Variants in CADPS2 observed in about 807,000 individuals in gnomAD.
The protein encoded by CADPS2 is calcium dependent secretion activator 2.
In CADPS2, 93 loss-of-function variants were observed where a neutral mutation model predicts 172.5. The ratio of observed to expected loss-of-function variants is 0.54; its 90% confidence interval spans 0.46 to 0.64. The LOEUF (loss-of-function observed/expected upper bound fraction) is 0.64. Ranked by LOEUF, CADPS2 falls within the 30% of genes least tolerant of loss-of-function variation. The pLI is 0.00. For missense variants in CADPS2, 1,420 were observed against 1,565.9 expected, an observed-to-expected ratio of 0.91 and a Z score of 1.57; for synonymous variants, 546 against 555.2, an observed-to-expected ratio of 0.98 and a Z score of 0.23.
intron 1 of CADPS2, among the ~76,000 whole-genome samples, chr7:122,877,711 G>A (rs922105214): frequency 6.6e-6 from 1 of 152,070 alleles, no homozygotes; most frequent in African/African-American, 2.4e-5. Flanking sequence ...TGAAGATATC[G>A]TATGCTCCTA....
At chr7:122,355,988 T>C (rs942213125) in intron 27 of CADPS2, among the ~76,000 whole-genome samples, 4 of 152,216 alleles carry the variant, frequency 2.6e-5, no homozygotes, top group African/African-American at 7.2e-5. Context: ...ATTAGTTTCA[T>C]ATAACCCACA....
At chr7:122,856,866 C>G (rs1380207912) in intron 1 of CADPS2, among the ~76,000 whole-genome samples, 1 of 152,296 alleles carries the variant, frequency 6.6e-6, no homozygotes, top group African/African-American at 2.4e-5. Flanking sequence ...GGTGAATATT[C>G]TTACAAACTA....
intron 25 of CADPS2, among the ~76,000 whole-genome samples, chr7:122,373,033 G>T (rs1585369732): frequency 6.6e-6 from 1 of 152,142 alleles, no homozygotes; most frequent in Non-Finnish European, 1.5e-5. Flanking sequence ...TTTATTCTAT[G>T]TTCATTTCAT....
At chr7:122,532,768 T>C (rs1280330861) in intron 8 of CADPS2, among the ~76,000 whole-genome samples, 1 of 152,176 alleles carries the variant, frequency 6.6e-6, no homozygotes, top group Non-Finnish European at 1.5e-5. Flanking sequence ...TATCTAAAAG[T>C]ATACAGTTAT....
chr7:122,708,080 T>C (rs1413395135), intron 2 of CADPS2, among the ~76,000 whole-genome samples: 1 of 151,886 alleles, frequency 6.6e-6, no homozygotes, highest in African/African-American at 2.4e-5. Context: ...TAGTTATCCA[T>C]TTGTCCTCCT....
intron 1 of CADPS2, among the ~76,000 whole-genome samples, chr7:122,852,454 G>A (rs1813926743): frequency 6.6e-6 from 1 of 152,206 alleles, no homozygotes; most frequent in African/African-American, 2.4e-5. Flanking sequence ...AACAGGGAAG[G>A]AAAGTAGAAA....
At chr7:122,461,540 AG>A (rs1217756495) in intron 14 of CADPS2, among the ~76,000 whole-genome samples, 3 of 152,210 alleles carry the variant, frequency 2.0e-5, no homozygotes, top group Non-Finnish European at 4.4e-5. Context: ...CAGAGGAAAA[AG>A]AGGAATCATC....
intron 2 of CADPS2, among the ~76,000 whole-genome samples, chr7:122,736,224 C>A (rs962389647): frequency 2.6e-5 from 4 of 152,104 alleles, no homozygotes; most frequent in African/African-American, 9.7e-5. Flanking sequence ...TAAGTTCAGA[C>A]CCATTGTATC....
At chr7:122,702,263 A>G in intron 2 of CADPS2, 9 of 1,613,758 alleles carry the variant, frequency 5.6e-6, no homozygotes, top group Non-Finnish European at 7.6e-6. Context: ...CGAGTGCAAA[A>G]TTTCCATGCC....
chr7:122,882,617 CTTTT>C (rs35781696), intron 1 of CADPS2, among the ~76,000 whole-genome samples: 1 of 136,864 alleles, frequency 7.3e-6, no homozygotes, highest in African/African-American at 2.7e-5. Flanking sequence ...CCAAGGAACC[CTTTT>C]TTTTTTTTTT....
Position 122,698,756 on chromosome 7 carries a change from C to G in CADPS2, c.454-35187G>C, listed in dbSNP as rs1433259689. Reference sequence around the variant, plus strand: ...CCAAAGACTCCAGTCTCTCCCAACTCTGACAACACATGATTCCCAACATGA... The same window carrying G: ...CCAAAGACTCCAGTCTCTCCCAACTGTGACAACACATGATTCCCAACATGA... On this transcript the variant is annotated intron_variant, in intron 2 of 29. Coordinates refer to ENST00000449022, the MANE Select transcript of CADPS2 (RefSeq NM_017954.11). 2.5e-6 allele frequency: 4 copies of G among 1,613,944 alleles called. No homozygotes were observed. The highest frequency in any genetic ancestry group is 3.4e-6 in the Non-Finnish European group (4 of 1,179,894).
chr7:122,660,505 C>T (rs2135300214), intron 3 of CADPS2, among the ~76,000 whole-genome samples: 1 of 151,778 alleles, frequency 6.6e-6, no homozygotes, highest in Admixed American at 6.6e-5. Flanking sequence ...GTGGTAAAAG[C>T]TACAAAGATT....
intron 2 of CADPS2, chr7:122,681,684 G>A (rs1251106968): frequency 1.8e-6 from 2 of 1,127,494 alleles, no homozygotes; most frequent in Admixed American, 3.5e-5. Context: ...CTTAAAGACT[G>A]AAGACAGGTT....
At chr7:122,850,324 C>G (rs1813209275) in intron 1 of CADPS2, 2 of 467,800 alleles carry the variant, frequency 4.3e-6, no homozygotes, top group Admixed American at 6.8e-5. Flanking sequence ...CCAATGCAGA[C>G]ATGGACTTCT....
At chr7:122,644,107 G>C (rs866286421) in intron 3 of CADPS2, among the ~76,000 whole-genome samples, 1 of 151,436 alleles carries the variant, frequency 6.6e-6, no homozygotes, top group Non-Finnish European at 1.5e-5. Flanking sequence ...AAGGAAGGAA[G>C]GAAGGAAGGA....
At chr7:122,466,253 G>C (rs758110669) in intron 14 of CADPS2, among the ~76,000 whole-genome samples, 1 of 152,178 alleles carries the variant, frequency 6.6e-6, no homozygotes, top group Non-Finnish European at 1.5e-5. Flanking sequence ...CAAAGATCCA[G>C]GAGTTGCACA....
intron 1 of CADPS2, among the ~76,000 whole-genome samples, chr7:122,811,427 A>C (rs1799997285): frequency 6.6e-6 from 1 of 152,218 alleles, no homozygotes; most frequent in African/African-American, 2.4e-5. Flanking sequence ...TCTAGAGTCC[A>C]AAATGTAGCT....
At chr7:122,581,366 G>A (rs2068789753) in intron 6 of CADPS2, 76 bp from the exon 7 acceptor site, 3 of 1,123,026 alleles carry the variant, frequency 2.7e-6, no homozygotes, top group Non-Finnish European at 4.0e-6. Flanking sequence ...CTCCATAGAA[G>A]GCAAATTAAA....
chr7:122,825,867 C>T (rs1341694101), intron 1 of CADPS2, among the ~76,000 whole-genome samples: 2 of 152,132 alleles, frequency 1.3e-5, no homozygotes, highest in Non-Finnish European at 2.9e-5. Flanking sequence ...CCCACGTCCC[C>T]TCCAGGCCAG....
Sources: gnomAD v4.1 joint callset for allele counts (sites outside exome capture counted in the v4.1 genomes callset) on GRCh38, gnomAD v4.1.1 for gene constraint, MANE v1.5 for transcripts, NCBI Gene and HGNC (gene_info 2026-07-23, HGNC 2026-07-21) for gene names.